The following AGBL1 variants were observed in gnomAD, a reference collection of about 807,000 sequenced individuals.
AGBL1 encodes AGBL carboxypeptidase 1.
AGBL1 carries 130 observed loss-of-function variants against 118.9 expected under a neutral mutation model. The observed-to-expected ratio is 1.09, with a 90% CI of 0.95 to 1.26. The LOEUF (loss-of-function observed/expected upper bound fraction) is 1.26. AGBL1 is among the 50% of genes most tolerant of loss of function. The pLI is 0.00. For synonymous variants in AGBL1, 555 were observed against 478.9 expected (o/e 1.16, Z -2.08); for missense variants, 1,584 against 1,298.1 (o/e 1.22, Z -3.38).
At chr15:86,992,537 C>G (rs1486237132) in intron 24 of AGBL1, among the ~76,000 whole-genome samples, 1 of 152,022 alleles carries the variant, frequency 6.6e-6, no homozygotes, top group African/African-American at 2.4e-5. Context: ...TTGCTGGAAC[C>G]AGAATCCCTT....
rs927888583 is a variant in AGBL1, at chr15:86,554,456, G to A, written c.2913G>A (p.Val971=). Residue 971 remains valine, a synonymous_variant, in exon 21 of 23, where the codon GTG becomes GTA. Transcript: ENST00000614907. ...VEKSRASTAR[V]VVWREMGVSR... ...AATCTCGAGCTTCCACGGCCCGGGT[G>A]GTGGTGTGGAGAGAGATGGGGGTGT... The A allele has an allele frequency of 6.3e-7, 1 of 1,588,880 alleles. No individual in the cohort carries two copies. The highest frequency in any genetic ancestry group is 8.6e-7 in the Non-Finnish European group (1 of 1,167,654).
At chr15:86,361,476 C>T (rs1324589876) in intron 17 of AGBL1, among the ~76,000 whole-genome samples, 1 of 152,054 alleles carries the variant, frequency 6.6e-6, no homozygotes, top group Non-Finnish European at 1.5e-5. Context: ...GTCCGTAGAG[C>T]TGTTCAGTTC....
rs140847925 is a variant in AGBL1 at position 86,364,346 on chromosome 15, T to A, written c.2375-33020T>A. ...TAATAACCCAATGAAGTAGGTACTG[T>A]TATTATAATTTGATAGTTACATTAA... On this transcript the variant is annotated intron_variant, in intron 17 of 22. Transcript: ENST00000614907. Among the ~76,000 whole-genome samples, 212 of 152,336 alleles carry A rather than the reference T, an allele frequency of 1.4e-3. 1 individual carries two copies. The highest frequency in any genetic ancestry group is 4.9e-3 in the African/African-American group (205 of 41,592).
At chr15:86,838,255 C>G (rs2079195299) in intron 22 of AGBL1, among the ~76,000 whole-genome samples, 1 of 151,978 alleles carries the variant, frequency 6.6e-6, no homozygotes, top group African/African-American at 2.4e-5. Context: ...GAACACAGTG[C>G]TCTTTATATA....
intron 3 of AGBL1, among the ~76,000 whole-genome samples, chr15:86,152,561 C>A (rs1220961922): frequency 6.6e-6 from 1 of 152,150 alleles, no homozygotes; most frequent in South Asian, 2.1e-4. Context: ...CCATAAAAAC[C>A]CCAGAAGAAA....
chr15:86,472,565 C>A (rs959480405), intron 18 of AGBL1, among the ~76,000 whole-genome samples: 7 of 152,154 alleles, frequency 4.6e-5, no homozygotes, highest in Non-Finnish European at 7.3e-5. Context: ...TTTAATCTGA[C>A]TATAAATATT....
At chr15:86,504,813 T>G (rs994897945) in intron 18 of AGBL1, among the ~76,000 whole-genome samples, 1 of 151,740 alleles carries the variant, frequency 6.6e-6, no homozygotes, top group African/African-American at 2.4e-5. Flanking sequence ...ATTTTATAAT[T>G]AAAAATACAA....
chr15:86,750,116 A>G (rs1336214159), intron 22 of AGBL1, among the ~76,000 whole-genome samples: 1 of 151,948 alleles, frequency 6.6e-6, no homozygotes, highest in African/African-American at 2.4e-5. Flanking sequence ...GCTAGAGGCA[A>G]TAATTTTTAA....
At chr15:86,602,536 C>T in intron 21 of AGBL1, among the ~76,000 whole-genome samples, 1 of 152,228 alleles carries the variant, frequency 6.6e-6, no homozygotes, top group East Asian at 1.9e-4. Context: ...TATTTCTGGG[C>T]AAATTCCAGT....
At chr15:86,150,725 A>G (rs1333267227) in intron 3 of AGBL1, among the ~76,000 whole-genome samples, 1 of 152,240 alleles carries the variant, frequency 6.6e-6, no homozygotes, top group African/African-American at 2.4e-5. Context: ...TTCTGAAACT[A>G]TTCCAATCAA....
chr15:87,009,938 T>C (rs1298789510), intron 24 of AGBL1, among the ~76,000 whole-genome samples: 2 of 152,202 alleles, frequency 1.3e-5, no homozygotes, highest in Non-Finnish European at 1.5e-5. Context: ...TGATTTTACA[T>C]GCTCATATGC....
chr15:86,988,156 G>T (rs1174588959), intron 24 of AGBL1: 14 of 1,570,312 alleles, frequency 8.9e-6, no homozygotes, highest in Non-Finnish European at 1.7e-6. Context: ...TACCCTGCAT[G>T]TGACTACATT....
At chr15:86,868,937 T>C (rs2079679443) in intron 22 of AGBL1, among the ~76,000 whole-genome samples, 1 of 152,150 alleles carries the variant, frequency 6.6e-6, no homozygotes, top group South Asian at 2.1e-4. Context: ...TGAAAGAAAG[T>C]GGCACGTCCA....
rs116831208 is a variant in AGBL1, at chr15:86,761,508, A to G, written c.3158+87072A>G. ...GAAAGGGCATGTGAAAGGGAGGGTC[A>G]CTGTAGCTGAATCTTCATCAGCTCT... is the stretch of plus-strand genomic sequence containing the variant. On this transcript the variant is annotated intron_variant, in intron 22 of 22. Coordinates refer to ENST00000614907, the MANE Select transcript of AGBL1 (RefSeq NM_001386094.1). Among the ~76,000 whole-genome samples, 342 of 152,220 alleles carry G rather than the reference A, an allele frequency of 2.2e-3. 3 individuals carry two copies. The highest frequency in any genetic ancestry group is 7.6e-3 in the African/African-American group (317 of 41,562).
intron 22 of AGBL1, among the ~76,000 whole-genome samples, chr15:86,721,888 A>G (rs2086727512): frequency 6.6e-6 from 1 of 152,180 alleles, no homozygotes; most frequent in Admixed American, 6.5e-5. Flanking sequence ...CCAAATCATG[A>G]GTGACCTCCC....
At chr15:86,121,967 A>C (rs1201256807) in intron 1 of AGBL1, among the ~76,000 whole-genome samples, 25 of 152,240 alleles carry the variant, frequency 1.6e-4, no homozygotes, top group Admixed American at 1.2e-3. Context: ...TAAGGGAAAG[A>C]AAGCCAGAGA....
At chr15:86,403,321 C>CTT (rs1377795127) in intron 18 of AGBL1, among the ~76,000 whole-genome samples, 1 of 152,066 alleles carries the variant, frequency 6.6e-6, no homozygotes, top group Non-Finnish European at 1.5e-5. Context: ...ACTCTAAAAA[C>CTT]TTGATTATCT....
At chr15:86,538,143 T>A (rs1422495958) in intron 19 of AGBL1, among the ~76,000 whole-genome samples, 1 of 152,144 alleles carries the variant, frequency 6.6e-6, no homozygotes, top group Non-Finnish European at 1.5e-5. Flanking sequence ...TAATGTGAAA[T>A]TTTTCTCCCC....
intron 22 of AGBL1, among the ~76,000 whole-genome samples, chr15:86,854,048 C>T (rs530403675): frequency 1.3e-5 from 2 of 152,170 alleles, no homozygotes; most frequent in South Asian, 2.1e-4. Flanking sequence ...TTCCAAGTAC[C>T]TTGGGTCTGA....
Sources: allele counts gnomAD v4.1 joint callset (sites outside exome capture counted in the v4.1 genomes callset), GRCh38; gene constraint gnomAD v4.1.1; transcripts MANE v1.5; gene names NCBI Gene and HGNC (gene_info 2026-07-23, HGNC 2026-07-21).